The following SLC39A10 variants were observed in gnomAD, a reference collection of about 807,000 sequenced individuals.
SLC39A10 encodes solute carrier family 39 member 10, also known as zinc transporter ZIP10.
Under a neutral mutation model 65.1 loss-of-function variants are expected in SLC39A10, and 13 were observed. The ratio of observed to expected loss-of-function variants is 0.20; its 90% CI spans 0.13 to 0.32. The LOEUF (loss-of-function observed/expected upper bound fraction) is 0.32. SLC39A10 is among the 10% of genes least tolerant of loss of function. The pLI is 1.00. For synonymous variants in SLC39A10, 321 were observed against 342.2 expected (o/e 0.94, Z 0.68); for missense variants, 831 against 1,018.4 (o/e 0.82, Z 2.50).
At chr2:195,676,406 A>G (rs1690091857) in intron 1 of SLC39A10, among the ~76,000 whole-genome samples, 1 of 151,914 alleles carries the variant, frequency 6.6e-6, no homozygotes, top group Non-Finnish European at 1.5e-5. Flanking sequence ...TATTTTTTAA[A>G]GAATTTAGTT....
intron 2 of SLC39A10, among the ~76,000 whole-genome samples, chr2:195,645,415 A>G (rs1688894813): frequency 1.3e-5 from 2 of 152,228 alleles, no homozygotes; most frequent in Non-Finnish European, 2.9e-5. Flanking sequence ...AATTACATTG[A>G]AAAATTCTAG....
At position 195,647,485 on chromosome 2, in the gene SLC39A10, T is replaced by TTCAC. The variant is rs3049393; in HGVS notation, c.-11-32543_-11-32540dup. On this transcript the variant is annotated intron_variant, in intron 2 of 2. Transcript: ENST00000458054. ...ACTTCCCCAAACTGAAAACCAGGCA[T>TTCAC]TCACTCATCTCATTCATCTGCTTGT... is the stretch of plus-strand genomic sequence containing the variant. Among the ~76,000 whole-genome samples the TTCAC allele has an allele frequency of 0.018, 2,755 of 151,870 alleles. 207 individuals carry two copies. The East Asian group carries it at 0.24, about 13-fold the overall frequency.
At chr2:195,653,322 C>G (rs1187132961), upstream of SLC39A10, among the ~76,000 whole-genome samples, 1 of 139,976 alleles carries the variant, frequency 7.1e-6, no homozygotes, top group African/African-American at 2.7e-5. Flanking sequence ...GAGACAGAGT[C>G]TTCTTCTGTC....
chr2:195,678,763 T>C (rs1690192459), intron 1 of SLC39A10, among the ~76,000 whole-genome samples: 3 of 152,104 alleles, frequency 2.0e-5, no homozygotes, highest in African/African-American at 7.2e-5. Flanking sequence ...TAGGATGTGC[T>C]GTAAGTGTAA....
rs567489363 is a variant in SLC39A10, at chr2:195,674,258, C to G, written c.-11-5774C>G. Reference sequence around the variant, plus strand: ...GTTGTAGCAGGCAACATAATGGTTACACAGCTGACCACTTTTCCTTATTTT... The same window carrying G: ...GTTGTAGCAGGCAACATAATGGTTAGACAGCTGACCACTTTTCCTTATTTT... On this transcript the variant is annotated intron_variant, in intron 1 of 9. Coordinates refer to ENST00000359634, the MANE Select transcript of SLC39A10 (RefSeq NM_020342.3). Among the ~76,000 whole-genome samples the G allele has an allele frequency of 4.9e-4, 75 of 152,086 alleles. 1 individual carries two copies. The highest frequency in any genetic ancestry group is 1.7e-3 in the African/African-American group (69 of 41,502).
chr2:195,645,198 C>T lies in SLC39A10; in HGVS notation c.-11-34834C>T, dbSNP rs375286694. The stretch of plus-strand genomic sequence containing the variant: ...TGCTGGGATTATAGGCATGAGCCAC[C>T]GCGCCTGGCCATCTAACTACTTTAT... On this transcript the variant is annotated intron_variant, in intron 2 of 2. Transcript: ENST00000458054. 8.6e-5 allele frequency among the ~76,000 whole-genome samples: 13 copies of T among 151,900 alleles called. 1 individual carries two copies. The East Asian group carries it at 9.7e-4, about 11-fold the overall frequency.
At chr2:195,682,558 C>G (rs1690366030) in intron 2 of SLC39A10, among the ~76,000 whole-genome samples, 2 of 152,072 alleles carry the variant, frequency 1.3e-5, no homozygotes, top group Non-Finnish European at 2.9e-5. Context: ...TCCCAAAGTG[C>G]TGGGATTACA....
At chr2:195,653,749 T>G (rs975010766), upstream of SLC39A10, among the ~76,000 whole-genome samples, 53 of 152,248 alleles carry the variant, frequency 3.5e-4, no homozygotes, top group Admixed American at 3.0e-3. Context: ...AATTTTATTT[T>G]TGGTTCACAG....
intron 2 of SLC39A10, among the ~76,000 whole-genome samples, chr2:195,624,395 G>GA (rs35636489): frequency 0.37 from 24,213 of 65,668 alleles, 2,759 homozygotes; most frequent in East Asian, 0.44. Context: ...CTCAAATAAG[G>GA]AAAAAAAAAA....
intron 8 of SLC39A10, among the ~76,000 whole-genome samples, chr2:195,726,851 G>C (rs1316131659): frequency 6.6e-6 from 1 of 152,150 alleles, no homozygotes; most frequent in Non-Finnish European, 1.5e-5. Context: ...AACAAGCCCA[G>C]TTAGTATTCT....
At chr2:195,694,524 T>C (rs1056299566) in intron 3 of SLC39A10, among the ~76,000 whole-genome samples, 2 of 152,150 alleles carry the variant, frequency 1.3e-5, no homozygotes, top group Non-Finnish European at 2.9e-5. Flanking sequence ...TTCTTCTGGG[T>C]TCAGCCATCC....
chr2:195,664,019 T>C (rs1002239019), intron 1 of SLC39A10, among the ~76,000 whole-genome samples: 4 of 152,208 alleles, frequency 2.6e-5, no homozygotes, highest in African/African-American at 7.2e-5. Flanking sequence ...TGAAAGCACA[T>C]ACAGTGTACA....
intron 2 of SLC39A10, among the ~76,000 whole-genome samples, chr2:195,614,347 A>G (rs1200645950): frequency 6.6e-6 from 1 of 152,174 alleles, no homozygotes; most frequent in Non-Finnish European, 1.5e-5. Context: ...CCTGGCTTTA[A>G]AAATATTGAG....
rs1417265589 is a variant in SLC39A10, at chr2:195,736,133, A to G, written c.*1092A>G. Reference sequence around the variant, plus strand: ...TACTAGGATAAACTCCATTATTGCCATGGCTGTCATGGTACCCAAGTGACT... The same window carrying G: ...TACTAGGATAAACTCCATTATTGCCGTGGCTGTCATGGTACCCAAGTGACT... On this transcript the variant is annotated 3_prime_UTR_variant, in exon 10 of 10. Transcript: ENST00000359634. The G allele has an allele frequency of 6.6e-6, 1 of 152,614 alleles. No homozygotes were observed. Among genetic ancestry groups the G allele is most frequent in the African/African-American group, 2.4e-5 (1 of 41,444 alleles). 9.5% of individuals were successfully genotyped at this position (152,614 alleles called of 1,614,324 possible).
chr2:195,666,666 T>C (rs1689649049), intron 1 of SLC39A10, among the ~76,000 whole-genome samples: 1 of 152,214 alleles, frequency 6.6e-6, no homozygotes, highest in Non-Finnish European at 1.5e-5. Flanking sequence ...TTGGCCATGT[T>C]GCTCAGGATG....
At chr2:195,652,964 TCTAA>T (rs527411543), upstream of SLC39A10, among the ~76,000 whole-genome samples, 45 of 152,240 alleles carry the variant, frequency 3.0e-4, 1 homozygote, top group South Asian at 2.5e-3. Context: ...CTTATGAGAA[TCTAA>T]CTAATGCCTG....
At chr2:195,617,419 G>A (rs563723327) in intron 2 of SLC39A10, among the ~76,000 whole-genome samples, 4 of 152,058 alleles carry the variant, frequency 2.6e-5, no homozygotes, top group Non-Finnish European at 2.9e-5. Flanking sequence ...AAAATTAGCC[G>A]GGTGTGGTGG....
At chr2:195,684,086 ATG>A (rs1287310651) in intron 3 of SLC39A10, among the ~76,000 whole-genome samples, 180 bp downstream of exon 3, 2 of 151,960 alleles carry the variant, frequency 1.3e-5, no homozygotes, top group Admixed American at 1.3e-4. Context: ...CGGGGGCACA[ATG>A]TGTTTTATTT....
chr2:195,641,060 T>C (rs982269419), intron 2 of SLC39A10, among the ~76,000 whole-genome samples: 3 of 152,194 alleles, frequency 2.0e-5, no homozygotes, highest in African/African-American at 7.2e-5. Flanking sequence ...GAACAGTCCC[T>C]GCTCTCAAGG....
Sources: allele counts gnomAD v4.1 joint callset (sites outside exome capture counted in the v4.1 genomes callset), GRCh38; gene constraint gnomAD v4.1.1; transcripts MANE v1.5; gene names NCBI Gene and HGNC (gene_info 2026-07-23, HGNC 2026-07-21).